Variants in ZFR observed in about 807,000 individuals in gnomAD.
ZFR encodes zinc finger RNA binding protein.
ZFR carries 19 observed loss-of-function variants against 130.7 expected under a neutral mutation model. The ratio of observed to expected loss-of-function variants is 0.15; its 90% CI spans 0.10 to 0.21. The LOEUF (loss-of-function observed/expected upper bound fraction) is 0.21, where lower values mean the gene tolerates loss of function less well. Ranked by LOEUF, ZFR falls within the 10% of genes least tolerant of loss-of-function variation. The pLI is 1.00. For missense variants in ZFR, 872 were observed against 1,321.5 expected (o/e 0.66, Z 5.27); for synonymous variants, 466 against 456.9 (o/e 1.02, Z -0.25).
intron 9 of ZFR, among the ~76,000 whole-genome samples, chr5:32,399,519 C>T (rs1387604220): frequency 6.6e-6 from 1 of 152,214 alleles, no homozygotes; most frequent in Non-Finnish European, 1.5e-5. Context: ...GATATCCCTT[C>T]ACTCCTTTAT....
intron 2 of ZFR, among the ~76,000 whole-genome samples, chr5:32,420,924 T>C (rs1753942163): frequency 6.6e-6 from 1 of 152,236 alleles, no homozygotes; most frequent in Non-Finnish European, 1.5e-5. Flanking sequence ...ACAAAGTTAC[T>C]TTTAAATATA....
At chr5:32,362,115 G>C (rs1752447963) in intron 19 of ZFR, among the ~76,000 whole-genome samples, 1 of 152,130 alleles carries the variant, frequency 6.6e-6, no homozygotes, top group African/African-American at 2.4e-5. Flanking sequence ...TTTGAAGATT[G>C]ATACAAATCA....
At chr5:32,408,362 T>A (rs770613579) in intron 5 of ZFR, among the ~76,000 whole-genome samples, 1 of 151,020 alleles carries the variant, frequency 6.6e-6, no homozygotes, top group East Asian at 1.9e-4. Context: ...CTTTCAGCAC[T>A]GTTGGCCTCT....
At chr5:32,368,836 A>C (rs1253368378) in intron 17 of ZFR, among the ~76,000 whole-genome samples, 1 of 152,216 alleles carries the variant, frequency 6.6e-6, no homozygotes, top group African/African-American at 2.4e-5. Context: ...TATGACTATC[A>C]TTCCCATTTT....
intron 4 of ZFR, among the ~76,000 whole-genome samples, chr5:32,415,736 T>C (rs1753812996): frequency 6.6e-6 from 1 of 152,184 alleles, no homozygotes; most frequent in South Asian, 2.1e-4. Flanking sequence ...TGTCAATAAC[T>C]TGAATGCAGC....
At chr5:32,407,253 A>G (rs1474825963) in intron 5 of ZFR, among the ~76,000 whole-genome samples, 1 of 151,800 alleles carries the variant, frequency 6.6e-6, no homozygotes, top group East Asian at 1.9e-4. Flanking sequence ...GACAGTGTAA[A>G]ATTTGGTCCC....
Position 32,355,609 on chromosome 5 carries a change from T to G in ZFR, c.*151A>C. ...TTTCCATTCAAATAATACCTAACACTGTACATTTTTTAATATCATAGAAAA... is the reference window on the plus strand; with the variant it reads ...TTTCCATTCAAATAATACCTAACACGGTACATTTTTTAATATCATAGAAAA... On this transcript the variant is annotated 3_prime_UTR_variant, in exon 20 of 20. Transcript: ENST00000265069. 2.9e-6 allele frequency: 2 copies of G among 691,460 alleles called. No individual in the cohort carries two copies. The highest frequency in any genetic ancestry group is 4.4e-6 in the Non-Finnish European group (2 of 451,272). The allele number at this position is 691,460 out of a possible 1,614,324, so 42.8% of individuals were successfully genotyped here.
intron 2 of ZFR, among the ~76,000 whole-genome samples, chr5:32,421,667 G>T (rs1231010747): frequency 6.6e-6 from 1 of 151,972 alleles, no homozygotes; most frequent in Non-Finnish European, 1.5e-5. Flanking sequence ...AGAACCAATA[G>T]TTGGAAGTTA....
At chr5:32,403,580 A>T (rs1235354980) in intron 7 of ZFR, among the ~76,000 whole-genome samples, 183 bp from the exon 8 acceptor site, 1 of 152,252 alleles carries the variant, frequency 6.6e-6, no homozygotes, top group African/African-American at 2.4e-5. Context: ...CTGTGAAGCA[A>T]ATATGCATAC....
intron 19 of ZFR, among the ~76,000 whole-genome samples, chr5:32,360,917 T>A (rs1053304594): frequency 2.0e-5 from 3 of 152,112 alleles, no homozygotes; most frequent in Admixed American, 6.5e-5. Context: ...GCTTAAGTGA[T>A]CCTCCCACCT....
chr5:32,408,678 C>G (rs891646523), intron 5 of ZFR, among the ~76,000 whole-genome samples: 2 of 152,072 alleles, frequency 1.3e-5, no homozygotes, highest in Non-Finnish European at 2.9e-5. Flanking sequence ...TAATAGAGGA[C>G]GTTTGTAGGA....
chr5:32,368,356 C>T (rs1232274168), intron 17 of ZFR, among the ~76,000 whole-genome samples: 1 of 152,236 alleles, frequency 6.6e-6, no homozygotes, highest in African/African-American at 2.4e-5. Flanking sequence ...TTGCCTCCGC[C>T]TCCCAAGTAG....
intron 6 of ZFR, among the ~76,000 whole-genome samples, chr5:32,405,996 T>G (rs567673123): frequency 1.8e-4 from 28 of 152,196 alleles, no homozygotes; most frequent in Non-Finnish European, 3.5e-4. Context: ...GAGAAGCTAG[T>G]AGAGAGTCAA....
At chr5:32,386,630 GC>G (rs1259768836) in intron 14 of ZFR, among the ~76,000 whole-genome samples, 1 of 151,584 alleles carries the variant, frequency 6.6e-6, no homozygotes, top group Non-Finnish European at 1.5e-5. Context: ...AATTCTCCTG[GC>G]TCCCGATAAT....
In ZFR at chr5:32,376,318, T is replaced by C. The variant is rs368507113; in HGVS notation, c.2835+2797A>G. On this transcript the variant is annotated intron_variant, in intron 17 of 19. Transcript: ENST00000265069. The stretch of plus-strand genomic sequence containing the variant: ...ATTTAAATTTACATATACATATCTA[T>C]AGAAAATAAAATTCGATGAAAAAAA... Among the ~76,000 whole-genome samples, 14 of 152,056 alleles carry C rather than the reference T, an allele frequency of 9.2e-5. No individual in the cohort carries two copies. In the East Asian group the frequency reaches 2.3e-3, roughly 25 times the overall value.
intron 19 of ZFR, among the ~76,000 whole-genome samples, chr5:32,356,585 T>C (rs577212941): frequency 1.3e-5 from 2 of 151,868 alleles, no homozygotes; most frequent in African/African-American, 4.8e-5. Context: ...GCTAATTTTT[T>C]TTTTTTTGTA....
intron 10 of ZFR, 92 bp from the exon 11 acceptor site, chr5:32,395,396 C>T (rs2910932): frequency 0.95 from 1,008,453 of 1,060,492 alleles, 479,763 homozygotes; most frequent in African/African-American, 0.98. Context: ...TCTTTAATCA[C>T]GGAGGCTTTT....
chr5:32,385,802 T>C (rs539464942), intron 14 of ZFR, among the ~76,000 whole-genome samples, 153 bp from the exon 15 acceptor site: 3 of 152,220 alleles, frequency 2.0e-5, no homozygotes, highest in African/African-American at 2.4e-5. Flanking sequence ...CTGCCGTACA[T>C]GCCAGTATTA....
At chr5:32,438,575 T>A (rs962272905) in intron 2 of ZFR, among the ~76,000 whole-genome samples, 1 of 152,168 alleles carries the variant, frequency 6.6e-6, no homozygotes, top group Admixed American at 6.5e-5. Flanking sequence ...TGCCTGATCA[T>A]AGATCCAGAA....
Sources: allele counts gnomAD v4.1 joint callset (sites outside exome capture counted in the v4.1 genomes callset), GRCh38; gene constraint gnomAD v4.1.1; transcripts MANE v1.5; gene names NCBI Gene and HGNC (gene_info 2026-07-23, HGNC 2026-07-21).